The following GOLM2 variants were observed in gnomAD, a reference collection of about 807,000 sequenced individuals.
GOLM2 encodes protein GOLM2.
In GOLM2, 26 loss-of-function variants were observed where a neutral mutation model predicts 55.9. That is an observed-to-expected ratio of 0.47 (90% CI 0.34 to 0.65). GOLM2 has a LOEUF of 0.65. Among genes scored for constraint, GOLM2 ranks in the 30% least tolerant of loss-of-function variants. The pLI is 0.01. For synonymous variants in GOLM2, 165 were observed against 194.6 expected (o/e 0.85, Z 1.27); for missense variants, 486 against 531.8 (o/e 0.91, Z 0.85).
In GOLM2 at chr15:44,415,194, T is replaced by C. The variant is rs1178693811; in HGVS notation, c.*1788T>C. On this transcript the variant is annotated 3_prime_UTR_variant, in exon 10 of 10. Coordinates refer to ENST00000299957, the MANE Select transcript of GOLM2 (RefSeq NM_138423.4). Reference sequence around the variant, plus strand: ...GTTTACTAAAATTGTTTTTCTACCATATCAAATTAAACAATTCATGCCTTT... The same window carrying C: ...GTTTACTAAAATTGTTTTTCTACCACATCAAATTAAACAATTCATGCCTTT... 6.6e-6 allele frequency: 1 copy of C among 152,616 alleles called. No homozygotes were observed. Among genetic ancestry groups the C allele is most frequent in the African/African-American group, 2.4e-5 (1 of 41,444 alleles). The allele number at this position is 152,616 out of a possible 1,614,324, so 9.5% of individuals were successfully genotyped here. A position where few individuals can be genotyped will look rare whatever the true frequency, so the allele number is the denominator to read the frequency against.
At chr15:44,290,356 C>T (rs2078711890) in intron 1 of GOLM2, among the ~76,000 whole-genome samples, 1 of 152,080 alleles carries the variant, frequency 6.6e-6, no homozygotes, top group Admixed American at 6.6e-5. Context: ...TGTGTAAATG[C>T]CCATTATAAT....
intron 6 of GOLM2, among the ~76,000 whole-genome samples, chr15:44,352,835 G>A (rs1044699206): frequency 1.3e-5 from 2 of 151,832 alleles, no homozygotes; most frequent in African/African-American, 4.8e-5. Flanking sequence ...GGACCTGGGA[G>A]GCAGAGGTTG....
At chr15:44,401,944 C>T (rs183874234) in intron 8 of GOLM2, among the ~76,000 whole-genome samples, 1 of 151,842 alleles carries the variant, frequency 6.6e-6, no homozygotes, top group East Asian at 1.9e-4. Context: ...ATTCTCCTGC[C>T]TCAGCCTCCT....
At chr15:44,376,583 G>A (rs1300062469) in intron 6 of GOLM2, among the ~76,000 whole-genome samples, 2 of 152,080 alleles carry the variant, frequency 1.3e-5, no homozygotes, top group African/African-American at 2.4e-5. Context: ...AAGAAAACAG[G>A]TTACAAGAAA....
intron 9 of GOLM2, among the ~76,000 whole-genome samples, chr15:44,412,555 T>C (rs950769455): frequency 8.5e-5 from 13 of 152,166 alleles, no homozygotes; most frequent in African/African-American, 3.1e-4. Flanking sequence ...TATGAGTGAC[T>C]TTTATTTTTC....
At chr15:44,351,058 G>C (rs1463248852) in intron 6 of GOLM2, among the ~76,000 whole-genome samples, 1 of 152,062 alleles carries the variant, frequency 6.6e-6, no homozygotes, top group African/African-American at 2.4e-5. Context: ...TTTTCTCTAA[G>C]ATCTAGAACA....
intron 1 of GOLM2, among the ~76,000 whole-genome samples, chr15:44,310,965 C>G (rs1232059288): frequency 6.6e-6 from 1 of 151,320 alleles, no homozygotes; most frequent in East Asian, 1.9e-4. Context: ...TGCAGTGAGC[C>G]GAGATTGTGC....
intron 4 of GOLM2, among the ~76,000 whole-genome samples, 179 bp downstream of exon 4, chr15:44,332,257 A>G (rs113984924): frequency 0.011 from 1,691 of 152,280 alleles, 38 homozygotes; most frequent in African/African-American, 0.039. Context: ...CAAAAATATA[A>G]TCTTAATTCT....
At chr15:44,371,745 G>A (rs1325323612) in intron 6 of GOLM2, among the ~76,000 whole-genome samples, 5 of 152,150 alleles carry the variant, frequency 3.3e-5, no homozygotes, top group Non-Finnish European at 7.3e-5. Context: ...TGAAGTGCAA[G>A]TCAACTATAT....
intron 6 of GOLM2, among the ~76,000 whole-genome samples, chr15:44,372,284 C>G (rs1434498762): frequency 6.6e-6 from 1 of 152,138 alleles, no homozygotes; most frequent in Non-Finnish European, 1.5e-5. Flanking sequence ...AGTTGAGGAC[C>G]ACTGCTTATC....
intron 1 of GOLM2, among the ~76,000 whole-genome samples, chr15:44,298,090 C>G (rs1384944220): frequency 1.3e-5 from 2 of 150,266 alleles, no homozygotes; most frequent in Admixed American, 6.7e-5. Flanking sequence ...AAGCTGGTCT[C>G]GAACTCCTGA....
chr15:44,392,768 A>T (rs1366162967), intron 8 of GOLM2, among the ~76,000 whole-genome samples: 1 of 152,258 alleles, frequency 6.6e-6, no homozygotes, highest in Non-Finnish European at 1.5e-5. Context: ...AATTTACCAC[A>T]TTAACAAAAT....
In GOLM2 at chr15:44,407,129, G is replaced by A. The variant is rs1397415758; in HGVS notation, c.1240+4075G>A. Among the ~76,000 whole-genome samples, 4 of 143,596 alleles carry A rather than the reference G, an allele frequency of 2.8e-5. No homozygotes were observed. The East Asian group carries it at 6.0e-4, about 22-fold the overall frequency. The allele number at this position is 143,596 out of a possible 152,430, so 94.2% of individuals were successfully genotyped here. On this transcript the variant is annotated intron_variant, in intron 9 of 9. Transcript: ENST00000299957. The stretch of plus-strand genomic sequence containing the variant: ...TGCATATTTATAATATATTTATATA[G>A]ATATATAAATGGTTATATATTTATA...
In GOLM2 at chr15:44,412,280, A is replaced by G. The variant is rs138725517; in HGVS notation, c.1241-1056A>G. Among the ~76,000 whole-genome samples, 301 of 152,376 alleles carry G rather than the reference A, an allele frequency of 2.0e-3. 2 individuals are homozygous for G. The East Asian group carries it at 0.025, about 13-fold the overall frequency. On this transcript the variant is annotated intron_variant, in intron 9 of 9. Coordinates refer to ENST00000299957, the MANE Select transcript of GOLM2 (RefSeq NM_138423.4). ...ATTGCTATTGGCAGGTAAATTGACAAGAAGGCAAAGTGATCACAACTCATA... is the reference window on the plus strand; with the variant it reads ...ATTGCTATTGGCAGGTAAATTGACAGGAAGGCAAAGTGATCACAACTCATA...
intron 8 of GOLM2, among the ~76,000 whole-genome samples, chr15:44,387,696 G>A (rs996707948): frequency 6.6e-6 from 1 of 151,908 alleles, no homozygotes; most frequent in Non-Finnish European, 1.5e-5. Context: ...AGGAGGTGGA[G>A]GTTGCAGTGA....
intron 6 of GOLM2, among the ~76,000 whole-genome samples, chr15:44,370,807 G>A (rs1004582832): frequency 3.3e-5 from 5 of 152,156 alleles, no homozygotes; most frequent in Non-Finnish European, 7.4e-5. Flanking sequence ...CTACAAGTGT[G>A]TGCCAGCATG....
intron 1 of GOLM2, among the ~76,000 whole-genome samples, chr15:44,319,091 A>T (rs1472870272): frequency 6.6e-6 from 1 of 152,152 alleles, no homozygotes; most frequent in Non-Finnish European, 1.5e-5. Context: ...TTCGCCCATC[A>T]TGTCTGTAGA....
At chr15:44,383,675 CT>C (rs761209421) in intron 8 of GOLM2, among the ~76,000 whole-genome samples, 112 of 125,896 alleles carry the variant, frequency 8.9e-4, no homozygotes, top group East Asian at 1.1e-3. Context: ...TTCTTTTTTT[CT>C]TTTTTTTTTT....
At chr15:44,339,043 C>T (rs1450488913) in intron 6 of GOLM2, among the ~76,000 whole-genome samples, 1 of 152,112 alleles carries the variant, frequency 6.6e-6, no homozygotes, top group African/African-American at 2.4e-5. Flanking sequence ...AACAGCATGC[C>T]TCTACTGCTT....
Sources: gnomAD v4.1 joint callset for allele counts (sites outside exome capture counted in the v4.1 genomes callset) on GRCh38, gnomAD v4.1.1 for gene constraint, MANE v1.5 for transcripts, NCBI Gene and HGNC (gene_info 2026-07-23, HGNC 2026-07-21) for gene names.